UBR3: variants seen among roughly 807,000 people sequenced by gnomAD.
The protein encoded by UBR3 is E3 ubiquitin-protein ligase UBR3.
A neutral mutation model predicts 243.2 loss-of-function variants in UBR3; 85 were observed. The observed-to-expected ratio is 0.35, with a 90% CI of 0.29 to 0.42. The LOEUF is 0.42. Ranked by LOEUF, UBR3 falls within the 10% of genes least tolerant of loss-of-function variation. UBR3 has a pLI of 1.00. For missense variants in UBR3, 1,686 were observed against 2,300.8 expected, an observed-to-expected ratio of 0.73 and a Z score of 5.47; for synonymous variants, 748 against 799.8, an observed-to-expected ratio of 0.94 and a Z score of 1.09.
chr2:169,875,409 C>T (rs1257884072), intron 2 of UBR3, among the ~76,000 whole-genome samples: 2 of 152,032 alleles, frequency 1.3e-5, no homozygotes, highest in Admixed American at 1.3e-4. Context: ...AGTTCACTGC[C>T]ACCTTCACCT....
chr2:170,025,682 A>G (rs1025136923), intron 30 of UBR3, among the ~76,000 whole-genome samples: 10 of 152,112 alleles, frequency 6.6e-5, no homozygotes, highest in Non-Finnish European at 2.9e-5. Context: ...CTGTTGAGCA[A>G]TTTAGGTGGA....
At position 170,073,466 on chromosome 2, in the gene UBR3, A is replaced by T; in HGVS notation, c.5058A>T (p.Gly1686=). ...EEFSVLASCL[G]LLPTFYQTEH... ...TTTCAGTTCTTGCCAGCTGCCTGGG[A>T]CTTCTGCCAACGTTTTACCAAACAG... The change falls in exon 36 of 39, where the codon GGA becomes GGT. Residue 1686 remains glycine (G), a synonymous_variant. Transcript: ENST00000272793. 1 of 1,613,726 alleles carries T rather than the reference A, an allele frequency of 6.2e-7. No homozygotes were observed. The highest frequency in any genetic ancestry group is 8.5e-7 in the Non-Finnish European group (1 of 1,179,692).
At chr2:169,848,145 A>AT (rs1279725531) in intron 1 of UBR3, among the ~76,000 whole-genome samples, 1 of 152,168 alleles carries the variant, frequency 6.6e-6, no homozygotes, top group African/African-American at 2.4e-5. Flanking sequence ...TCTATCACAG[A>AT]TTATTGTCCT....
chr2:169,998,359 T>C (rs1400361097), intron 26 of UBR3, among the ~76,000 whole-genome samples: 1 of 152,232 alleles, frequency 6.6e-6, no homozygotes, highest in African/African-American at 2.4e-5. Context: ...ATAAAAAGTC[T>C]CCGAGCTGAA....
intron 31 of UBR3, among the ~76,000 whole-genome samples, chr2:170,036,334 G>C (rs1219555782): frequency 6.6e-6 from 1 of 151,988 alleles, no homozygotes; most frequent in Non-Finnish European, 1.5e-5. Flanking sequence ...CCCTGTAGTT[G>C]AAATCTTTGG....
chr2:169,881,927 A>G (rs1206224719), intron 5 of UBR3, among the ~76,000 whole-genome samples: 29 of 91,588 alleles, frequency 3.2e-4, no homozygotes, highest in Admixed American at 9.2e-4. Flanking sequence ...GTATACATGT[A>G]TACATATAAT....
At chr2:169,852,883 A>AAAAAAC (rs1491293579) in intron 1 of UBR3, among the ~76,000 whole-genome samples, 4 of 59,846 alleles carry the variant, frequency 6.7e-5, no homozygotes, top group East Asian at 5.5e-4. Context: ...AAAAAACAAA[A>AAAAAAC]CCAAACAAAT....
In UBR3 at chr2:169,895,305, G is replaced by A; in HGVS notation, c.1230G>A (p.Glu410=). 2 of 1,537,556 alleles carry A rather than the reference G, an allele frequency of 1.3e-6. No homozygotes were observed. Among genetic ancestry groups the A allele is most frequent in the Middle Eastern group, 1.7e-4 (1 of 5,948 alleles). The part of the protein sequence containing the change: ...TFLLNMLPDQ[E]YKVAFTKTFV... ...TACTCAACATGCTTCCAGATCAAGA[G>A]TATAAGGTATCTATATATTTTCCTG... is the stretch of plus-strand genomic sequence containing the variant. The change falls in exon 7 of 39, where the codon GAG becomes GAA. Residue 410 remains glutamate (E), a synonymous_variant. Coordinates refer to ENST00000272793, the MANE Select transcript of UBR3 (RefSeq NM_172070.4).
At chr2:169,925,317 A>G (rs553307231) in intron 13 of UBR3, among the ~76,000 whole-genome samples, 1 of 152,340 alleles carries the variant, frequency 6.6e-6, no homozygotes, top group Admixed American at 6.5e-5. Context: ...GGAGAAATAG[A>G]GTGAAACATA....
chr2:169,838,044 G>A (rs942492004), intron 1 of UBR3, among the ~76,000 whole-genome samples: 1 of 152,100 alleles, frequency 6.6e-6, no homozygotes, highest in African/African-American at 2.4e-5. Context: ...CTTCAAAAGG[G>A]TTTTTGGCTG....
chr2:169,878,458 G>A (rs1224787404), intron 4 of UBR3, 67 bp from the exon 5 acceptor site: 1 of 1,425,574 alleles, frequency 7.0e-7, no homozygotes, highest in African/African-American at 1.4e-5. Context: ...GTATTTCTCA[G>A]AATAATTTGA....
intron 1 of UBR3, among the ~76,000 whole-genome samples, chr2:169,856,724 C>T (rs917866194): frequency 2.0e-5 from 3 of 151,398 alleles, no homozygotes; most frequent in South Asian, 2.1e-4. Context: ...CCCAGGCACT[C>T]GGTAGGCTGA....
intron 1 of UBR3, among the ~76,000 whole-genome samples, chr2:169,839,355 C>T (rs1243622049): frequency 6.6e-6 from 1 of 151,908 alleles, no homozygotes; most frequent in African/African-American, 2.4e-5. Flanking sequence ...TGGTGGTTAC[C>T]AGAGGGAAGG....
At chr2:169,915,506 G>A (rs184228441) in intron 11 of UBR3, among the ~76,000 whole-genome samples, 31 of 152,328 alleles carry the variant, frequency 2.0e-4, no homozygotes, top group Admixed American at 4.6e-4. Flanking sequence ...AAAGTGCTGG[G>A]ATTACCAGTG....
chr2:169,848,935 T>G (rs1004803429), intron 1 of UBR3, among the ~76,000 whole-genome samples: 38 of 152,152 alleles, frequency 2.5e-4, no homozygotes, highest in Admixed American at 6.5e-5. Flanking sequence ...TAAACAACCT[T>G]TAACCCACGT....
intron 23 of UBR3, among the ~76,000 whole-genome samples, chr2:169,956,799 G>T (rs148464386): frequency 6.6e-6 from 1 of 152,132 alleles, no homozygotes; most frequent in Non-Finnish European, 1.5e-5. Flanking sequence ...TCTGAATTTT[G>T]TATGTTATAT....
chr2:170,053,050 G>C (rs1424716889), intron 32 of UBR3, among the ~76,000 whole-genome samples: 1 of 152,134 alleles, frequency 6.6e-6, no homozygotes, highest in Non-Finnish European at 1.5e-5. Context: ...GATTGCAGGG[G>C]GCTGAGAGGT....
In UBR3 at chr2:169,946,468, G is replaced by T. The variant is rs2086795919; in HGVS notation, c.2910+76G>T. The T allele has an allele frequency of 1.9e-5, 13 of 677,362 alleles. No individual in the cohort carries two copies. The South Asian group carries it at 2.9e-4, about 15-fold the overall frequency. 42.0% of individuals were successfully genotyped at this position (677,362 alleles called of 1,614,324 possible). On this transcript the variant is annotated intron_variant, in intron 21 of 38. Transcript: ENST00000272793. ...CTCCAACCAATTGTTGCCAAACCAGGCATGTTATACTTTTCCTAGTTATGA... is the reference window on the plus strand; with the variant it reads ...CTCCAACCAATTGTTGCCAAACCAGTCATGTTATACTTTTCCTAGTTATGA...
chr2:170,025,415 G>T (rs1251762414), intron 30 of UBR3, among the ~76,000 whole-genome samples: 2 of 152,112 alleles, frequency 1.3e-5, no homozygotes, highest in African/African-American at 4.8e-5. Flanking sequence ...TGGCCTGAAG[G>T]ACAAAATGAT....
Sources: allele counts gnomAD v4.1 joint callset (sites outside exome capture counted in the v4.1 genomes callset), GRCh38; gene constraint gnomAD v4.1.1; transcripts MANE v1.5; gene names NCBI Gene and HGNC (gene_info 2026-07-23, HGNC 2026-07-21).